The following ZC3H6 variants were observed in gnomAD, a reference collection of about 807,000 sequenced individuals.
ZC3H6 encodes zinc finger CCCH domain-containing protein 6.
In ZC3H6, 40 loss-of-function variants were observed where a neutral mutation model predicts 107.7. The observed-to-expected ratio is 0.37, with a 90% CI of 0.29 to 0.48. ZC3H6 has a LOEUF of 0.48. Among genes scored for constraint, ZC3H6 ranks in the 20% least tolerant of loss-of-function variants. The pLI, the probability that ZC3H6 is intolerant of heterozygous loss-of-function variation, is 0.98. For missense variants in ZC3H6, 1,267 were observed against 1,410.4 expected (o/e 0.90, Z 1.63); for synonymous variants, 493 against 487.9 (o/e 1.01, Z -0.14).
rs765581143 is a variant in ZC3H6, at chr2:112,324,417, G to C, written c.1606G>C (p.Val536Leu). ...VGPQNQAGVL[V>L]QPDTSLTPPS... Reference sequence around the variant, plus strand: ...TCCTCAAAATCAAGCTGGAGTGCTTGTTCAACCAGACACATCTTTGACACC... The same window carrying C: ...TCCTCAAAATCAAGCTGGAGTGCTTCTTCAACCAGACACATCTTTGACACC... The change falls in exon 10 of 12, where the codon GTT becomes CTT. Residue 536 changes from valine (V) to leucine (L), a missense_variant. Around this residue, in one of 3 missense-constraint regions of ZC3H6, gnomAD observed 925 missense variants for 1,025.7 expected, o/e 0.90. Transcript: ENST00000409871. The C allele has an allele frequency of 5.0e-6, 8 of 1,613,916 alleles. No homozygotes were observed. The Admixed American group carries it at 1.3e-4, about 27-fold the overall frequency.
At chr2:112,276,059 G>A in intron 1 of ZC3H6, 33 bp downstream of exon 1, 1 of 1,537,282 alleles carries the variant, frequency 6.5e-7, no homozygotes, top group Non-Finnish European at 8.8e-7. Context: ...CTTTCTGTCG[G>A]ATGAGAGGAG....
At chr2:112,298,980 AAAG>A (rs1676303381) in intron 1 of ZC3H6, among the ~76,000 whole-genome samples, 1 of 152,196 alleles carries the variant, frequency 6.6e-6, no homozygotes, top group South Asian at 2.1e-4. Context: ...AAAAATAAAA[AAAG>A]AATAATTTGG....
chr2:112,276,664 T>C (rs920560055), intron 1 of ZC3H6, among the ~76,000 whole-genome samples: 38 of 152,286 alleles, frequency 2.5e-4, no homozygotes, highest in Non-Finnish European at 3.4e-4. Context: ...CTAGCCCAAT[T>C]TTCTAGATGG....
At chr2:112,328,191 T>C (rs774747430) in intron 11 of ZC3H6, among the ~76,000 whole-genome samples, 5 of 152,122 alleles carry the variant, frequency 3.3e-5, no homozygotes, top group Admixed American at 6.5e-5. Flanking sequence ...TGTGCCCAGC[T>C]TATGTGTCTG....
intron 1 of ZC3H6, among the ~76,000 whole-genome samples, chr2:112,291,778 G>A (rs1260791621): frequency 1.3e-5 from 2 of 152,036 alleles, no homozygotes; most frequent in Non-Finnish European, 2.9e-5. Flanking sequence ...GACTGCAGTG[G>A]CTCGATCTTA....
At chr2:112,330,955 A>T in intron 11 of ZC3H6, 50 bp from the exon 12 acceptor site, 1 of 800,880 alleles carries the variant, frequency 1.2e-6, no homozygotes, top group Non-Finnish European at 1.6e-6. Context: ...ATTTTATTAT[A>T]TTATAAGTTT....
In ZC3H6 at chr2:112,324,317, C is replaced by T; in HGVS notation, c.1506C>T (p.His502=). ...PVMHPGSPGH[H]PCAGPPGLPV... ...TGCACCCAGGCTCCCCTGGACATCA[C>T]CCATGTGCAGGACCTCCTGGTCTAC... Residue 502 remains histidine, a synonymous_variant, in exon 10 of 12, where the codon CAC becomes CAT. Coordinates refer to ENST00000409871, the MANE Select transcript of ZC3H6 (RefSeq NM_198581.3). 6.2e-7 allele frequency: 1 copy of T among 1,613,992 alleles called. No individual in the cohort carries two copies. Among genetic ancestry groups the T allele is most frequent in the Non-Finnish European group, 8.5e-7 (1 of 1,179,870 alleles).
In ZC3H6 at chr2:112,332,397, C is replaced by A; in HGVS notation, c.3479C>A (p.Thr1160Asn). ...AGGCAGCCAGGACAGGGGAGCCCGA[C>A]CCCAGATAATGATCCCGGTAGAGAA... is the stretch of plus-strand genomic sequence containing the variant. ...QARQPGQGSP[T>N]PDNDPGRETD... is the part of the protein sequence containing the mutation. Residue 1160 changes from threonine (T) to asparagine (N), a missense_variant, in exon 12 of 12, where the codon ACC becomes AAC. Thr to Asn is a moderately conservative substitution (Grantham distance 65). Around this residue, in one of 3 missense-constraint regions of ZC3H6, gnomAD observed 925 missense variants for 1,025.7 expected, o/e 0.90. Transcript: ENST00000409871. The A allele has an allele frequency of 5.6e-6, 9 of 1,613,606 alleles. No homozygotes were observed. Among genetic ancestry groups the A allele is most frequent in the Non-Finnish European group, 5.9e-6 (7 of 1,179,882 alleles).
rs995394544 is a variant in ZC3H6, at chr2:112,322,738, A to T, written c.1176A>T (p.Pro392=). 2 of 1,613,312 alleles carry T rather than the reference A, an allele frequency of 1.2e-6. No homozygotes were observed. The highest frequency in any genetic ancestry group is 2.7e-5 in the African/African-American group (2 of 74,862). ...GTGGCATAACTCCTCTTCCCAAACC[A>T]CCTCCAGGGGTTGGGCTTCTGCCAA... ...RKRGITPLPK[P]PPGVGLLPTP... Residue 392 remains proline, a synonymous_variant, in exon 9 of 12, where the codon CCA becomes CCT. Coordinates refer to ENST00000409871, the MANE Select transcript of ZC3H6 (RefSeq NM_198581.3).
At chr2:112,280,887 CAGG>C (rs1478038718) in intron 1 of ZC3H6, among the ~76,000 whole-genome samples, 1 of 152,024 alleles carries the variant, frequency 6.6e-6, no homozygotes, top group East Asian at 1.9e-4. Flanking sequence ...GTCTTTTAAG[CAGG>C]AGAATGATCA....
At position 112,317,297 on chromosome 2, in the gene ZC3H6, A is replaced by G. The variant is rs1165519263; in HGVS notation, c.941A>G (p.Tyr314Cys). 1.3e-6 allele frequency: 2 copies of G among 1,577,172 alleles called. No individual in the cohort carries two copies. Among genetic ancestry groups the G allele is most frequent in the Admixed American group, 1.9e-5 (1 of 53,756 alleles). The change falls in exon 7 of 12, where the codon TAT becomes TGT. Residue 314 changes from tyrosine to cysteine, a missense_variant. Around this residue, in one of 3 missense-constraint regions of ZC3H6, gnomAD observed 5 missense variants for 23.4 expected, o/e 0.21. Coordinates refer to ENST00000409871, the MANE Select transcript of ZC3H6 (RefSeq NM_198581.3). ...ATCTGCAAATTTTATTTACAAGGAT[A>G]TTGTACCAAAGGAGAGAACTGCATT... ...KEICKFYLQG[Y>C]CTKGENCIYM...
At chr2:112,286,749 T>C (rs757474385) in intron 1 of ZC3H6, among the ~76,000 whole-genome samples, 5 of 152,194 alleles carry the variant, frequency 3.3e-5, no homozygotes, top group Non-Finnish European at 5.9e-5. Flanking sequence ...ATTTTTGTTA[T>C]ACTGTTTAGA....
chr2:112,287,092 A>G (rs1686623594), intron 1 of ZC3H6, among the ~76,000 whole-genome samples: 1 of 152,080 alleles, frequency 6.6e-6, no homozygotes, highest in Non-Finnish European at 1.5e-5. Context: ...GAGAACTGCT[A>G]TATGAAAATA....
intron 5 of ZC3H6, among the ~76,000 whole-genome samples, chr2:112,315,369 A>C (rs924272771): frequency 1.3e-5 from 2 of 152,118 alleles, no homozygotes; most frequent in African/African-American, 2.4e-5. Context: ...TTTTATATTT[A>C]AAAGTTAAAA....
chr2:112,292,149 A>T (rs1419354969), intron 1 of ZC3H6, among the ~76,000 whole-genome samples: 2 of 152,208 alleles, frequency 1.3e-5, no homozygotes, highest in African/African-American at 4.8e-5. Context: ...TGGGATATGA[A>T]TGTTAAGCTC....
At chr2:112,322,446 C>T (rs916715736) in intron 8 of ZC3H6, among the ~76,000 whole-genome samples, 3 of 152,094 alleles carry the variant, frequency 2.0e-5, no homozygotes, top group Non-Finnish European at 4.4e-5. Flanking sequence ...GGGGTTTCTC[C>T]GTGTTGCTTG....
intron 11 of ZC3H6, among the ~76,000 whole-genome samples, chr2:112,330,401 C>A (rs935375609): frequency 2.0e-5 from 3 of 152,140 alleles, no homozygotes; most frequent in African/African-American, 4.8e-5. Context: ...TATAGTCACA[C>A]AGGTCAAATA....
chr2:112,331,644 A>G lies in ZC3H6; in HGVS notation c.2726A>G (p.Gln909Arg), dbSNP rs772071303. The change falls in exon 12 of 12, where the codon CAG (glutamine) becomes CGG (arginine). Residue 909 changes from glutamine (Q) to arginine (R), a missense_variant. Physicochemically the swap from Gln to Arg is conservative, Grantham distance 43 (BLOSUM62 1). Around this residue, in one of 3 missense-constraint regions of ZC3H6, gnomAD observed 925 missense variants for 1,025.7 expected, o/e 0.90. Coordinates refer to ENST00000409871, the MANE Select transcript of ZC3H6 (RefSeq NM_198581.3). ...CCTCTGCCCCCACTTATAGCTGACC[A>G]GAGGCTAAATAGATTATGGAATACA... Reference protein sequence around the residue: ...NLPLPPLIADQRLNRLWNTKS... With the variant: ...NLPLPPLIADRRLNRLWNTKS... 3 of 1,613,992 alleles carry G rather than the reference A, an allele frequency of 1.9e-6. No homozygotes were observed. Among genetic ancestry groups the G allele is most frequent in the Non-Finnish European group, 2.5e-6 (3 of 1,179,894 alleles).
intron 3 of ZC3H6, among the ~76,000 whole-genome samples, chr2:112,309,124 C>A (rs552100985): frequency 6.6e-6 from 1 of 152,056 alleles, no homozygotes; most frequent in Admixed American, 6.5e-5. Context: ...TTGTCTAGAT[C>A]CTTAAGTTGT....
Sources: gnomAD v4.1 joint callset for allele counts (sites outside exome capture counted in the v4.1 genomes callset) on GRCh38, gnomAD v4.1.1 for gene constraint, gnomAD v4.1.1 regional missense constraint, MANE v1.5 for transcripts, NCBI Gene and HGNC (gene_info 2026-07-23, HGNC 2026-07-21) for gene names.